CSGALNACT1: variants seen among roughly 807,000 people sequenced by gnomAD.
CSGALNACT1 encodes the protein beta4GalNAcT-1.
CSGALNACT1 carries 52 observed loss-of-function variants against 51.0 expected under a neutral mutation model. The ratio of observed to expected loss-of-function variants is 1.02; its 90% CI spans 0.82 to 1.29. The LOEUF (loss-of-function observed/expected upper bound fraction) is 1.29, where lower values mean the gene tolerates loss of function less well. CSGALNACT1 is among the 50% of genes most tolerant of loss of function. The pLI, the probability that CSGALNACT1 is intolerant of heterozygous loss-of-function variation, is 0.00. For synonymous variants in CSGALNACT1, 341 were observed against 254.4 expected (o/e 1.34, Z -3.24); for missense variants, 935 against 679.2 (o/e 1.38, Z -4.19).
At chr8:19,438,234 C>T (rs1196904836) in intron 6 of CSGALNACT1, among the ~76,000 whole-genome samples, 1 of 152,152 alleles carries the variant, frequency 6.6e-6, no homozygotes, top group Non-Finnish European at 1.5e-5. Context: ...AGGGAGCAGC[C>T]CCCAGGTGGA....
intron 1 of CSGALNACT1, among the ~76,000 whole-genome samples, chr8:19,745,929 C>T (rs1313867118): frequency 6.6e-6 from 1 of 152,046 alleles, no homozygotes; most frequent in Admixed American, 6.6e-5. Context: ...GGGGAGTTGG[C>T]CAACAGGAAG....
intron 1 of CSGALNACT1, among the ~76,000 whole-genome samples, chr8:19,730,697 T>A (rs756327777): frequency 3.3e-5 from 5 of 152,234 alleles, no homozygotes. Context: ...CGGAGTTGCC[T>A]GGCTCCTGGA....
At chr8:19,534,867 A>C (rs1366519755) in intron 3 of CSGALNACT1, among the ~76,000 whole-genome samples, 2 of 152,198 alleles carry the variant, frequency 1.3e-5, no homozygotes, top group Admixed American at 6.5e-5. Context: ...TTGTAATCCA[A>C]ACAGCCTTGG....
intron 9 of CSGALNACT1, among the ~76,000 whole-genome samples, chr8:19,408,377 T>A (rs1226401106): frequency 2.0e-5 from 3 of 151,828 alleles, no homozygotes; most frequent in Non-Finnish European, 2.9e-5. Context: ...CAAGTTGGTC[T>A]TGAACTCCTG....
intron 4 of CSGALNACT1, among the ~76,000 whole-genome samples, chr8:19,503,697 G>C (rs2076807719): frequency 6.6e-6 from 1 of 151,580 alleles, no homozygotes; most frequent in African/African-American, 2.4e-5. Flanking sequence ...TTCTAATTTT[G>C]AACTCTTACT....
intron 1 of CSGALNACT1, among the ~76,000 whole-genome samples, chr8:19,733,350 C>T (rs918485323): frequency 6.6e-6 from 1 of 152,170 alleles, no homozygotes; most frequent in Non-Finnish European, 1.5e-5. Context: ...CCACACTCCA[C>T]CAATTATTAA....
chr8:19,472,420 T>G (rs1216489545), intron 4 of CSGALNACT1, among the ~76,000 whole-genome samples: 2 of 152,260 alleles, frequency 1.3e-5, no homozygotes, highest in African/African-American at 4.8e-5. Flanking sequence ...GTAGAGGATG[T>G]GCAGTCTAAC....
intron 1 of CSGALNACT1, among the ~76,000 whole-genome samples, chr8:19,650,666 C>G (rs997460694): frequency 5.3e-5 from 8 of 152,058 alleles, no homozygotes; most frequent in African/African-American, 1.9e-4. Flanking sequence ...AGGAGACCAG[C>G]CATAGCAGAC....
intron 1 of CSGALNACT1, among the ~76,000 whole-genome samples, chr8:19,619,396 C>T (rs1032520410): frequency 2.6e-5 from 4 of 151,894 alleles, no homozygotes; most frequent in South Asian, 2.1e-4. Context: ...GGAACCTCTG[C>T]GAAGGGATGG....
rs376813738 is a variant in CSGALNACT1, at chr8:19,475,473, A to G, written c.635-16831T>C. Among the ~76,000 whole-genome samples the G allele has an allele frequency of 5.9e-5, 9 of 152,300 alleles. No homozygotes were observed. In the East Asian group the frequency reaches 9.7e-4, roughly 16 times the overall value. ...TGTACAAAAGTATGTTCCAATCACCATAAAGTTTTGAAGGAAAGCCCCCGG... is the reference window on the plus strand; with the variant it reads ...TGTACAAAAGTATGTTCCAATCACCGTAAAGTTTTGAAGGAAAGCCCCCGG... On this transcript the variant is annotated intron_variant, in intron 4 of 9. Transcript: ENST00000454498.
At chr8:19,480,012 T>C (rs1050816348) in intron 4 of CSGALNACT1, among the ~76,000 whole-genome samples, 1 of 152,184 alleles carries the variant, frequency 6.6e-6, no homozygotes, top group Admixed American at 6.5e-5. Flanking sequence ...ATGGTAAGCT[T>C]ATTTTCTTTT....
intron 1 of CSGALNACT1, among the ~76,000 whole-genome samples, chr8:19,618,291 T>C (rs1007222196): frequency 6.6e-6 from 1 of 152,118 alleles, no homozygotes; most frequent in Non-Finnish European, 1.5e-5. Flanking sequence ...CTGAAAATTA[T>C]GACACAGAGG....
chr8:19,629,634 C>G (rs2054939066), intron 1 of CSGALNACT1, among the ~76,000 whole-genome samples: 1 of 152,196 alleles, frequency 6.6e-6, no homozygotes, highest in Admixed American at 6.5e-5. Flanking sequence ...GCCCCCTACT[C>G]CAGCCCTAAT....
chr8:19,527,767 A>G (rs1033102051), intron 3 of CSGALNACT1, among the ~76,000 whole-genome samples: 3 of 152,158 alleles, frequency 2.0e-5, no homozygotes, highest in Admixed American at 1.3e-4. Context: ...AAAACCAAAA[A>G]TATCAAATTT....
At chr8:19,614,585 T>G (rs114610260) in intron 1 of CSGALNACT1, among the ~76,000 whole-genome samples, 1,950 of 152,344 alleles carry the variant, frequency 0.013, 42 homozygotes, top group African/African-American at 0.045. Context: ...ATAAAAAATT[T>G]TTTTTCATCA....
intron 1 of CSGALNACT1, among the ~76,000 whole-genome samples, chr8:19,619,117 A>G (rs1031234641): frequency 1.3e-5 from 2 of 152,092 alleles, no homozygotes; most frequent in African/African-American, 2.4e-5. Context: ...ACAGGGCACT[A>G]CAGAGGAGCA....
rs551668421 is a variant in CSGALNACT1, at chr8:19,407,381, G to A, written c.1309+1232C>T. Among the ~76,000 whole-genome samples the A allele has an allele frequency of 5.9e-5, 9 of 152,258 alleles. No individual in the cohort carries two copies. The South Asian group carries it at 1.2e-3, about 21-fold the overall frequency. On this transcript the variant is annotated intron_variant, in intron 9 of 9. Transcript: ENST00000454498. ...ACCAGCAGCTCGTGGGGAGCCTGGG[G>A]ATGGGACGCTCCATGCCACACCCTG...
At position 19,669,612 on chromosome 8, in the gene CSGALNACT1, C is replaced by T. The variant is rs553253836; in HGVS notation, c.-544+12861G>A. 7.2e-5 allele frequency among the ~76,000 whole-genome samples: 11 copies of T among 152,156 alleles called. No homozygotes were observed. The South Asian group carries it at 2.3e-3, about 32-fold the overall frequency. On this transcript the variant is annotated intron_variant, in intron 1 of 9. Transcript: ENST00000332246. ...GATTAATAGGTGCCTGCCACCATGC[C>T]TGGCCAGTTTTTTGTTTGTTTGTTT... is the stretch of plus-strand genomic sequence containing the variant.
intron 3 of CSGALNACT1, among the ~76,000 whole-genome samples, chr8:19,559,537 C>G (rs187360080): frequency 6.6e-6 from 1 of 152,058 alleles, no homozygotes; most frequent in African/African-American, 2.4e-5. Context: ...AAACAACTGT[C>G]GTTATTCAGA....
Sources: allele counts gnomAD v4.1 joint callset (sites outside exome capture counted in the v4.1 genomes callset), GRCh38; gene constraint gnomAD v4.1.1; transcripts MANE v1.5; gene names NCBI Gene and HGNC (gene_info 2026-07-23, HGNC 2026-07-21).